The following UBA52 variants were observed in gnomAD, a reference collection of about 807,000 sequenced individuals.
UBA52 encodes ubiquitin A-52 residue ribosomal protein fusion product 1.
In UBA52, 1 loss-of-function variant was observed where a neutral mutation model predicts 15.3. The observed-to-expected ratio is 0.07, with a 90% confidence interval of 0.02 to 0.31. UBA52 has a LOEUF of 0.31. UBA52 is among the 10% of genes least tolerant of loss of function. The pLI is 1.00. For synonymous variants in UBA52, 50 were observed against 58.3 expected (o/e 0.86, Z 0.65); for missense variants, 87 against 168.0 (o/e 0.52, Z 2.66).
chr19:18,570,577 ACTC>A (rs1263277555), upstream of UBA52, among the ~76,000 whole-genome samples: 1 of 139,394 alleles, frequency 7.2e-6, no homozygotes, highest in African/African-American at 2.7e-5. Flanking sequence ...AGTGGCGTGA[ACTC>A]AGCTCACTGC....
At chr19:18,569,677 C>G (rs1975415629), upstream of UBA52, among the ~76,000 whole-genome samples, 1 of 151,156 alleles carries the variant, frequency 6.6e-6, no homozygotes, top group African/African-American at 2.4e-5. Flanking sequence ...AGGGGAGCCA[C>G]ACTAGATCCA....
chr19:18,564,554 C>T, the UBA52 span, among the ~76,000 whole-genome samples: 70,368 of 151,886 alleles, frequency 0.46, 18,545 homozygotes, highest in East Asian at 0.66. Context: ...ACCTGGGAGA[C>T]GGAGCTTGCA....
chr19:18,568,443 C>T, upstream of UBA52: 2 of 1,614,050 alleles, frequency 1.2e-6, no homozygotes, highest in African/African-American at 2.7e-5. Flanking sequence ...GGATGAAGAC[C>T]CCATCCCACC....
At position 18,576,188 on chromosome 19, in the gene UBA52, T is replaced by A. The variant is rs1201318608; in HGVS notation, c.*1038T>A. 1 of 152,428 alleles carries A rather than the reference T, an allele frequency of 6.6e-6. No homozygotes were observed. The highest frequency in any genetic ancestry group is 1.5e-5 in the Non-Finnish European group (1 of 68,194). The allele number at this position is 152,428 out of a possible 1,614,324, so 9.4% of individuals were successfully genotyped here. ...GTTTTCCCCTTAAGGTCACCCAGGC[T>A]GGAATGCAGTGGTGTGGTCATGGCT... On this transcript the variant is annotated 3_prime_UTR_variant, in exon 5 of 5. Transcript: ENST00000442744.
the UBA52 span, chr19:18,565,111 G>A: frequency 1.3e-6 from 2 of 1,547,316 alleles, no homozygotes; most frequent in African/African-American, 2.7e-5. Context: ...AGGGTAAAGG[G>A]AGATTTCTGT....
chr19:18,571,398 C>T (rs920345503), upstream of UBA52, among the ~76,000 whole-genome samples: 21 of 152,014 alleles, frequency 1.4e-4, no homozygotes, highest in Admixed American at 3.3e-4. Flanking sequence ...GTAGTACCGT[C>T]TGCTCTCCCT....
At chr19:18,564,083 T>A in the UBA52 span, among the ~76,000 whole-genome samples, 2 of 151,830 alleles carry the variant, frequency 1.3e-5, no homozygotes, top group Admixed American at 6.6e-5. Context: ...GACGCGGTTT[T>A]CCCATGTTGG....
chr19:18,565,103 G>A, the UBA52 span: 4 of 1,554,226 alleles, frequency 2.6e-6, no homozygotes, highest in South Asian at 4.6e-5. Context: ...CACATACCAG[G>A]GTAAAGGGAG....
chr19:18,566,557 G>C, the UBA52 span, among the ~76,000 whole-genome samples: 3 of 152,068 alleles, frequency 2.0e-5, no homozygotes, highest in Non-Finnish European at 4.4e-5. Flanking sequence ...TAGGGAGGCT[G>C]ACGCAGGCAG....
upstream of UBA52, chr19:18,567,405 G>A (rs1216817123): frequency 1.5e-6 from 1 of 660,578 alleles, no homozygotes; most frequent in African/African-American, 1.8e-5. Flanking sequence ...AGGCCGCACA[G>A]GAGAATGTGG....
upstream of UBA52, chr19:18,569,015 G>T: frequency 4.1e-6 from 1 of 244,880 alleles, no homozygotes; most frequent in East Asian, 1.0e-4. Context: ...TCCTTGAGGT[G>T]CACAAGCACG....
chr19:18,564,266 C>G, the UBA52 span, among the ~76,000 whole-genome samples: 2 of 152,170 alleles, frequency 1.3e-5, no homozygotes, highest in Middle Eastern at 6.9e-3. Context: ...AGACACAGAC[C>G]CTCCTGGCCC....
chr19:18,575,384 T>C lies in UBA52; in HGVS notation c.*234T>C, dbSNP rs1975740044. On this transcript the variant is annotated 3_prime_UTR_variant, in exon 5 of 5. Transcript: ENST00000442744. ...GTCACATCGGCATTGGTCCCTGCCC[T>C]ATGCCCCTGACTCTGGATTTGTCAT... The C allele has an allele frequency of 3.7e-6, 2 of 537,024 alleles. No individual in the cohort carries two copies. Among genetic ancestry groups the C allele is most frequent in the Non-Finnish European group, 3.3e-6 (1 of 298,576 alleles). 33.3% of individuals were successfully genotyped at this position (537,024 alleles called of 1,614,324 possible).
upstream of UBA52, among the ~76,000 whole-genome samples, chr19:18,566,811 T>G (rs1600591430): frequency 1.3e-5 from 2 of 151,840 alleles, no homozygotes; most frequent in Admixed American, 1.3e-4. Flanking sequence ...AAAAAAAATT[T>G]ATCAGAGAAG....
the UBA52 span, among the ~76,000 whole-genome samples, chr19:18,565,617 G>A: frequency 1.3e-5 from 2 of 152,300 alleles, no homozygotes; most frequent in African/African-American, 2.4e-5. Context: ...GGATTCAAGC[G>A]ATTCTTGTGC....
chr19:18,574,783 C>T, intron 3 of UBA52, 87 bp from the exon 4 acceptor site: 1 of 1,513,506 alleles, frequency 6.6e-7, no homozygotes. Context: ...GAGAAAGCAG[C>T]AGACTATAGG....
At position 18,577,232 on chromosome 19, in the gene UBA52, T is replaced by G. The variant is rs1317088546; in HGVS notation, c.*2082T>G. The G allele has an allele frequency of 6.6e-6, 1 of 152,014 alleles. No homozygotes were observed. The highest frequency in any genetic ancestry group is 1.5e-5 in the Non-Finnish European group (1 of 68,022). 9.4% of individuals were successfully genotyped at this position (152,014 alleles called of 1,614,324 possible). On this transcript the variant is annotated 3_prime_UTR_variant, in exon 5 of 5. Coordinates refer to ENST00000442744, the MANE Select transcript of UBA52 (RefSeq NM_001033930.3). ...TGGGGACTTTCACAAAAGACCCCCATGACTCAGGGTTTTGAGTTCTTAACT... is the reference window on the plus strand; with the variant it reads ...TGGGGACTTTCACAAAAGACCCCCAGGACTCAGGGTTTTGAGTTCTTAACT...
At chr19:18,567,211 A>C, upstream of UBA52, 1 of 1,610,890 alleles carries the variant, frequency 6.2e-7, no homozygotes, top group Non-Finnish European at 8.5e-7. Context: ...GCTCCCGAGC[A>C]CGTCAGCACT....
chr19:18,566,233 G>A, the UBA52 span, among the ~76,000 whole-genome samples: 3 of 151,564 alleles, frequency 2.0e-5, no homozygotes, highest in African/African-American at 7.3e-5. Flanking sequence ...GGCGGATCAC[G>A]AGGTCAGGAG....
Sources: allele counts gnomAD v4.1 joint callset (sites outside exome capture counted in the v4.1 genomes callset), GRCh38; gene constraint gnomAD v4.1.1; transcripts MANE v1.5; gene names NCBI Gene and HGNC (gene_info 2026-07-23, HGNC 2026-07-21).